Variants in SFRP1 observed in about 807,000 individuals in gnomAD.
The protein encoded by SFRP1 is secreted frizzled-related protein 1.
Under a neutral mutation model 25.9 loss-of-function variants are expected in SFRP1, and 9 were observed. The ratio of observed to expected loss-of-function variants is 0.35; its 90% CI spans 0.21 to 0.61. SFRP1 has a LOEUF of 0.61. Among genes scored for constraint, SFRP1 ranks in the 20% least tolerant of loss-of-function variants. The pLI is 0.78. For missense variants in SFRP1, 346 were observed against 418.2 expected (o/e 0.83, Z 1.51); for synonymous variants, 178 against 174.0 (o/e 1.02, Z -0.18).
intron 2 of SFRP1, 139 bp from the exon 3 acceptor site, chr8:41,265,628 T>C (rs1243513439): frequency 9.7e-6 from 6 of 619,138 alleles, no homozygotes; most frequent in Non-Finnish European, 1.6e-5. Flanking sequence ...TGTAAATATA[T>C]ATGTTTTTAA....
At chr8:41,277,066 C>T (rs578136397) in intron 2 of SFRP1, 6 of 456,002 alleles carry the variant, frequency 1.3e-5, no homozygotes, top group East Asian at 1.4e-4. Flanking sequence ...AAATGAAAAC[C>T]CCACTCTGAG....
At chr8:41,276,829 G>T (rs937936471) in intron 2 of SFRP1, 1 of 422,390 alleles carries the variant, frequency 2.4e-6, no homozygotes, top group Non-Finnish European at 4.8e-6. Context: ...GACACCTCAG[G>T]AAGGTGGCCA....
Position 41,265,283 on chromosome 8 carries a change from T to C in SFRP1, c.829A>G (p.Ser277Gly), listed in dbSNP as rs1259368868. The change falls in exon 3 of 3, where the codon AGC (serine) becomes GGC (glycine). Residue 277 changes from serine (S) to glycine (G), a missense_variant. Coordinates refer to ENST00000220772, the MANE Select transcript of SFRP1 (RefSeq NM_003012.5). ...TGGATGGCCGTCAGCAAGTACTGGC[T>C]CTTCACCTTGCGGCCCATGATGAGG... ...HFLIMGRKVK[S>G]QYLLTAIHKW... The C allele has an allele frequency of 5.0e-6, 8 of 1,614,152 alleles. No individual in the cohort carries two copies. Among genetic ancestry groups the C allele is most frequent in the Non-Finnish European group, 5.9e-6 (7 of 1,180,022 alleles).
At chr8:41,302,077 G>A (rs1803924812) in intron 2 of SFRP1, among the ~76,000 whole-genome samples, 1 of 152,162 alleles carries the variant, frequency 6.6e-6, no homozygotes, top group Admixed American at 6.5e-5. Flanking sequence ...CATTTATTTA[G>A]AGGAAGAGTT....
intron 2 of SFRP1, among the ~76,000 whole-genome samples, chr8:41,266,602 AT>A (rs77812012): frequency 0.017 from 2,375 of 138,750 alleles, 14 homozygotes; most frequent in African/African-American, 0.037. Flanking sequence ...TGCCTGGCTG[AT>A]TTTTTTTTTT....
At chr8:41,265,666 G>A (rs1212643178) in intron 2 of SFRP1, among the ~76,000 whole-genome samples, 177 bp from the exon 3 acceptor site, 4 of 152,076 alleles carry the variant, frequency 2.6e-5, no homozygotes, top group African/African-American at 7.2e-5. Flanking sequence ...CAGGTGCAGA[G>A]TTGGTTTCAT....
chr8:41,305,072 A>C (rs77722342), intron 1 of SFRP1, among the ~76,000 whole-genome samples: 4,803 of 152,302 alleles, frequency 0.032, 251 homozygotes, highest in African/African-American at 0.11. Flanking sequence ...TTTTGCTTCC[A>C]CATGGGGAAA....
At chr8:41,306,773 C>A (rs756565688) in intron 1 of SFRP1, 1 of 1,598,008 alleles carries the variant, frequency 6.3e-7, no homozygotes, top group Non-Finnish European at 8.5e-7. Flanking sequence ...CCAAGCCAGG[C>A]TGAGAAGGGC....
chr8:41,279,270 C>A (rs894738464), intron 2 of SFRP1, among the ~76,000 whole-genome samples: 5 of 152,100 alleles, frequency 3.3e-5, no homozygotes, highest in African/African-American at 1.2e-4. Context: ...AAGACTCACT[C>A]GCCAGACTGG....
chr8:41,265,229 T>C lies in SFRP1; in HGVS notation c.883A>G (p.Lys295Glu). 1 of 1,614,136 alleles carries C rather than the reference T, an allele frequency of 6.2e-7. No individual in the cohort carries two copies. The highest frequency in any genetic ancestry group is 8.5e-7 in the Non-Finnish European group (1 of 1,180,016). ...HKWDKKNKEF[K>E]NFMKKMKNHE... ...TTTTTCATTTTCTTCATGAAGTTTT[T>C]GAACTCCTTGTTTTTCTTGTCCCAC... The change falls in exon 3 of 3, where the codon AAA (lysine) becomes GAA (glutamate). Residue 295 changes from lysine (K) to glutamate (E), a missense_variant. Coordinates refer to ENST00000220772, the MANE Select transcript of SFRP1 (RefSeq NM_003012.5).
intron 1 of SFRP1, 83 bp downstream of exon 1, chr8:41,308,533 G>A (rs1804026879): frequency 8.7e-7 from 1 of 1,145,886 alleles, no homozygotes; most frequent in Admixed American, 2.4e-5. Flanking sequence ...CGGCGGGCGG[G>A]CGTAGGGTGG....
chr8:41,296,651 G>A (rs750690308), intron 2 of SFRP1, among the ~76,000 whole-genome samples: 2 of 152,166 alleles, frequency 1.3e-5, no homozygotes, highest in African/African-American at 4.8e-5. Flanking sequence ...CAGGTGTTGG[G>A]GTTGGGGTAG....
At chr8:41,274,814 T>C (rs1377336442) in intron 2 of SFRP1, among the ~76,000 whole-genome samples, 3 of 152,162 alleles carry the variant, frequency 2.0e-5, no homozygotes, top group Non-Finnish European at 2.9e-5. Context: ...AAAAACTTAG[T>C]CTAATAAAGA....
intron 2 of SFRP1, among the ~76,000 whole-genome samples, chr8:41,300,202 T>C (rs1025128613): frequency 2.0e-5 from 3 of 152,208 alleles, no homozygotes; most frequent in South Asian, 2.1e-4. Context: ...ACTGAAAATA[T>C]TTCTACTAGG....
In SFRP1 at chr8:41,308,899, C is replaced by T; in HGVS notation, c.261G>A (p.Met87Ile). The change falls in exon 1 of 3, where the codon ATG becomes ATA. Residue 87 changes from methionine (M) to isoleucine (I), a missense_variant. By Grantham distance (10) the Met-to-Ile change is conservative. Transcript: ENST00000220772. ...TGCTGGCCTGCTGCTTCACCTCCGC[C>T]ATGGTCTCGTGCTCCAGCAGGTTGG... ...VLPNLLEHET[M>I]AEVKQQASSW... 1 of 1,612,366 alleles carries T rather than the reference C, an allele frequency of 6.2e-7. No individual in the cohort carries two copies. Among genetic ancestry groups the T allele is most frequent in the Admixed American group, 1.7e-5 (1 of 59,978 alleles).
At chr8:41,270,763 C>T (rs1007718239) in intron 2 of SFRP1, among the ~76,000 whole-genome samples, 5 of 147,226 alleles carry the variant, frequency 3.4e-5, no homozygotes, top group African/African-American at 1.3e-4. Context: ...GTGGAGATTG[C>T]AGTGAGCCGA....
At chr8:41,271,494 G>T in intron 2 of SFRP1, 2 of 189,598 alleles carry the variant, frequency 1.1e-5, no homozygotes, top group Non-Finnish European at 2.3e-5. Context: ...TCTCATTCTT[G>T]TCATTATGGC....
rs1045878718 is a variant in SFRP1, at chr8:41,263,219, G to C, written c.*1948C>G. On this transcript the variant is annotated 3_prime_UTR_variant, in exon 3 of 3. Transcript: ENST00000220772. ...ATCCACGCACTCAGGAACTTGCTCT[G>C]AATTTCAGTTTGACAACAGAGAAGT... The C allele has an allele frequency of 6.6e-6, 1 of 152,626 alleles. No homozygotes were observed. Among genetic ancestry groups the C allele is most frequent in the Non-Finnish European group, 1.5e-5 (1 of 68,038 alleles). 9.5% of individuals were successfully genotyped at this position (152,626 alleles called of 1,614,324 possible).
At chr8:41,305,760 G>C (rs1803987743) in intron 1 of SFRP1, among the ~76,000 whole-genome samples, 1 of 152,220 alleles carries the variant, frequency 6.6e-6, no homozygotes, top group Non-Finnish European at 1.5e-5. Context: ...TCAGGATTAA[G>C]TGATTTTTGT....
Sources: allele counts gnomAD v4.1 joint callset (sites outside exome capture counted in the v4.1 genomes callset), GRCh38; gene constraint gnomAD v4.1.1; transcripts MANE v1.5; gene names NCBI Gene and HGNC (gene_info 2026-07-23, HGNC 2026-07-21).